Variants in MYO16 observed in about 807,000 individuals in gnomAD.
MYO16 encodes myosin XVI.
Under a neutral mutation model 205.3 loss-of-function variants are expected in MYO16, and 94 were observed. That is an observed-to-expected ratio of 0.46 (90% CI 0.39 to 0.54). MYO16 has a LOEUF of 0.54. MYO16 is among the 20% of genes least tolerant of loss of function. MYO16 has a pLI of 0.00. For synonymous variants in MYO16, 988 were observed against 954.0 expected (o/e 1.04, Z -0.66); for missense variants, 2,315 against 2,387.5 (o/e 0.97, Z 0.63).
intron 2 of MYO16, among the ~76,000 whole-genome samples, chr13:108,687,977 A>G (rs918397806): frequency 6.6e-6 from 1 of 152,178 alleles, no homozygotes; most frequent in Non-Finnish European, 1.5e-5. Context: ...CAGAGTGACT[A>G]TAGGTTTTTC....
rs756851025 is a variant in MYO16 at position 108,793,285 on chromosome 13, C to CAAA, written c.617-213_617-211dup. On this transcript the variant is annotated intron_variant, in intron 5 of 34. Coordinates refer to ENST00000457511, the MANE Select transcript of MYO16 (RefSeq NM_001198950.3). ...TGGGCAACAGAGCAAGACTCTGTCT[C>CAAA]AAAAAAAAAAAAAAAAAAAACATAA... 4.1e-3 allele frequency among the ~76,000 whole-genome samples: 408 copies of CAAA among 98,764 alleles called. 2 individuals carry two copies. The highest frequency in any genetic ancestry group is 0.01 in the Middle Eastern group (2 of 194). 64.8% of individuals were successfully genotyped at this position (98,764 alleles called of 152,430 possible).
At chr13:108,549,379 T>G in the MYO16 span, among the ~76,000 whole-genome samples, 1 of 151,254 alleles carries the variant, frequency 6.6e-6, no homozygotes, top group Non-Finnish European at 1.5e-5. Flanking sequence ...CCTCTGGATC[T>G]TCTCAAAGGA....
the MYO16 span, among the ~76,000 whole-genome samples, chr13:108,539,950 A>G: frequency 6.6e-6 from 1 of 152,132 alleles, no homozygotes. Context: ...TTGGAAAAAG[A>G]GTATTAAATT....
intron 4 of MYO16, among the ~76,000 whole-genome samples, chr13:108,750,666 G>T (rs1173868712): frequency 6.6e-6 from 1 of 151,612 alleles, no homozygotes; most frequent in Non-Finnish European, 1.5e-5. Flanking sequence ...AATTAGCCAA[G>T]CGTGGTGGCG....
intron 8 of MYO16, among the ~76,000 whole-genome samples, chr13:108,822,828 T>C (rs1273813351): frequency 6.6e-6 from 1 of 152,134 alleles, no homozygotes; most frequent in Non-Finnish European, 1.5e-5. Context: ...TGAAATGACA[T>C]TAAGTTTGCT....
intron 23 of MYO16, among the ~76,000 whole-genome samples, chr13:109,027,011 G>A (rs867684958): frequency 3.9e-5 from 6 of 152,162 alleles, no homozygotes; most frequent in East Asian, 1.9e-4. Context: ...ACCAAGTACC[G>A]TAGACTGAGT....
intron 7 of MYO16, among the ~76,000 whole-genome samples, chr13:108,815,405 G>A (rs369865): frequency 0.024 from 3,694 of 152,288 alleles, 144 homozygotes; most frequent in African/African-American, 0.081. Flanking sequence ...GACCTTAGAA[G>A]CAGAGCCTTG....
chr13:109,075,221 T>G (rs28554147), intron 27 of MYO16, among the ~76,000 whole-genome samples: 20,020 of 152,144 alleles, frequency 0.13, 1,626 homozygotes, highest in East Asian at 0.43. Context: ...AGGAGTAGAA[T>G]GGCTAAGGCA....
intron 28 of MYO16, among the ~76,000 whole-genome samples, chr13:109,110,269 G>A (rs1889244556): frequency 6.6e-6 from 1 of 152,168 alleles, no homozygotes; most frequent in African/African-American, 2.4e-5. Context: ...TTCACAATGT[G>A]TCTCTTTGGG....
the MYO16 span, among the ~76,000 whole-genome samples, chr13:108,526,395 T>G: frequency 6.6e-6 from 1 of 152,196 alleles, no homozygotes; most frequent in African/African-American, 2.4e-5. Context: ...TGATTTTTTA[T>G]ATTGTATTTG....
At chr13:109,116,452 G>C (rs1262980713) in intron 28 of MYO16, among the ~76,000 whole-genome samples, 1 of 152,010 alleles carries the variant, frequency 6.6e-6, no homozygotes, top group African/African-American at 2.4e-5. Flanking sequence ...CTCCTTCCCA[G>C]CCATTATCCC....
At chr13:108,741,373 G>A (rs188575261) in intron 4 of MYO16, among the ~76,000 whole-genome samples, 1 of 152,204 alleles carries the variant, frequency 6.6e-6, no homozygotes, top group East Asian at 1.9e-4. Context: ...CTTCATTAAA[G>A]CACATCAAAG....
intron 1 of MYO16, among the ~76,000 whole-genome samples, chr13:108,659,783 A>G (rs1261543788): frequency 6.6e-6 from 1 of 152,178 alleles, no homozygotes; most frequent in East Asian, 1.9e-4. Context: ...ACTATTGACT[A>G]CCTCCTGTTC....
intron 14 of MYO16, among the ~76,000 whole-genome samples, chr13:108,889,108 G>C (rs1462284906): frequency 2.0e-5 from 3 of 152,080 alleles, no homozygotes; most frequent in Non-Finnish European, 4.4e-5. Flanking sequence ...ACATTTTGGG[G>C]AGCTGGCCAG....
intron 8 of MYO16, 123 bp from the exon 9 acceptor site, chr13:108,823,002 G>A (rs1876060232): frequency 1.1e-6 from 1 of 915,762 alleles, no homozygotes; most frequent in African/African-American, 1.7e-5. Flanking sequence ...AAGGTTTTTT[G>A]TTTTGATTCA....
intron 23 of MYO16, among the ~76,000 whole-genome samples, chr13:109,040,796 A>G (rs1378930133): frequency 6.6e-6 from 1 of 152,200 alleles, no homozygotes; most frequent in African/African-American, 2.4e-5. Context: ...TACTTCTGTG[A>G]TCAGAAACAA....
intron 34 of MYO16, among the ~76,000 whole-genome samples, chr13:109,191,012 A>G (rs567181429): frequency 7.9e-5 from 12 of 152,182 alleles, no homozygotes; most frequent in Non-Finnish European, 1.3e-4. Flanking sequence ...TGTGGTCAAG[A>G]GTTCGAGACA....
In MYO16 at chr13:108,974,111, C is replaced by T. The variant is rs57076575; in HGVS notation, c.2369+9209C>T. ...TGGCTTACGTTCTCATTTCCTAATTCTGCACTTTGATTTTGTTCTACTAAG... is the reference window on the plus strand; with the variant it reads ...TGGCTTACGTTCTCATTTCCTAATTTTGCACTTTGATTTTGTTCTACTAAG... On this transcript the variant is annotated intron_variant, in intron 20 of 34. Transcript: ENST00000457511. Among the ~76,000 whole-genome samples, 935 of 152,234 alleles carry T rather than the reference C, an allele frequency of 6.1e-3. 10 individuals carry two copies. Among genetic ancestry groups the T allele is most frequent in the African/African-American group, 0.021 (858 of 41,536 alleles).
chr13:109,171,033 A>G (rs1346552315), intron 33 of MYO16, among the ~76,000 whole-genome samples: 2 of 152,226 alleles, frequency 1.3e-5, no homozygotes, highest in Non-Finnish European at 2.9e-5. Flanking sequence ...TGACACATTT[A>G]TGCTGATCTA....
Sources: allele counts gnomAD v4.1 joint callset (sites outside exome capture counted in the v4.1 genomes callset), GRCh38; gene constraint gnomAD v4.1.1; transcripts MANE v1.5; gene names NCBI Gene and HGNC (gene_info 2026-07-23, HGNC 2026-07-21).